Variants in CTSK observed in about 807,000 individuals in gnomAD.
The protein encoded by CTSK is cathepsin O.
Under a neutral mutation model 40.5 loss-of-function variants are expected in CTSK, and 26 were observed. The ratio of observed to expected loss-of-function variants is 0.64; its 90% confidence interval spans 0.47 to 0.89. CTSK has a LOEUF of 0.89. Ranked by LOEUF, CTSK falls within the 40% of genes least tolerant of loss-of-function variation. The pLI is 0.00. For synonymous variants in CTSK, 132 were observed against 143.2 expected (o/e 0.92, Z 0.56); for missense variants, 292 against 400.1 (o/e 0.73, Z 2.30).
Position 150,805,999 on chromosome 1 carries a change from AACC to A in CTSK, c.258_260del (p.Val87del). On this transcript the variant is annotated inframe_deletion, in exon 4 of 8. Coordinates refer to ENST00000271651, the MANE Select transcript of CTSK (RefSeq NM_000396.4). ...GTACTTTGAGTCCAGTCATCTTCTG[AACC>A]ACCTCTTCACTGGTCTAAGACAAAG... The A allele has an allele frequency of 6.2e-7, 1 of 1,614,186 alleles. No homozygotes were observed. The highest frequency in any genetic ancestry group is 8.5e-7 in the Non-Finnish European group (1 of 1,180,030).
At position 150,796,796 on chromosome 1, in the gene CTSK, G is replaced by A. The variant is rs200655276; in HGVS notation, c.*3C>T. 1.2e-5 allele frequency: 19 copies of A among 1,605,640 alleles called. No individual in the cohort carries two copies. The highest frequency in any genetic ancestry group is 1.6e-5 in the Non-Finnish European group (19 of 1,172,218). ...AGAGCAGGATGGATTTGGCTGGCTG[G>A]AGTCACATCTTGGGGAAGCTGGCCA... On this transcript the variant is annotated 3_prime_UTR_variant, in exon 8 of 8. Coordinates refer to ENST00000271651, the MANE Select transcript of CTSK (RefSeq NM_000396.4).
intron 7 of CTSK, 83 bp from the exon 8 acceptor site, chr1:150,796,981 T>G (rs1653887668): frequency 1.0e-6 from 1 of 962,990 alleles, no homozygotes; most frequent in Non-Finnish European, 1.7e-6. Flanking sequence ...TGCGAGGTAC[T>G]GATGGTACAC....
At chr1:150,806,850 GA>G (rs1382575281) in intron 1 of CTSK, 44 bp from the exon 2 acceptor site, 1 of 1,608,708 alleles carries the variant, frequency 6.2e-7, no homozygotes, top group East Asian at 2.2e-5. Flanking sequence ...ATTTGGCAGG[GA>G]AACAGAGGAA....
chr1:150,796,880 T>G lies in CTSK; in HGVS notation c.909A>C (p.Gly303=). Residue 303 remains glycine, a synonymous_variant, in exon 8 of 8, where the codon GGA becomes GGC. Transcript: ENST00000271651. ...IIKNSWGENW[G]NKGYILMARN... Reference sequence around the variant, plus strand: ...GAGCCATGAGGATATATCCTTTGTTTCCCCAGTTTTCTCCCCAGCTGTAAG... The same window carrying G: ...GAGCCATGAGGATATATCCTTTGTTGCCCCAGTTTTCTCCCCAGCTGTAAG... 1 of 1,613,876 alleles carries G rather than the reference T, an allele frequency of 6.2e-7. No homozygotes were observed. Among genetic ancestry groups the G allele is most frequent in the Non-Finnish European group, 8.5e-7 (1 of 1,179,760 alleles).
At chr1:150,797,101 A>C (rs1356696138) in intron 7 of CTSK, among the ~76,000 whole-genome samples, 1 of 152,180 alleles carries the variant, frequency 6.6e-6, no homozygotes. Context: ...TGATCAAGAG[A>C]ATCTTAGAGG....
intron 5 of CTSK, chr1:150,800,422 G>A (rs140226808): frequency 6.5e-6 from 1 of 153,570 alleles, no homozygotes; most frequent in East Asian, 1.9e-4. Context: ...CTATATCAGG[G>A]GAACTGGTGT....
chr1:150,805,638 CAAAAAAAAAAAAA>C (rs79027279), intron 4 of CTSK, among the ~76,000 whole-genome samples: 1 of 55,002 alleles, frequency 1.8e-5, no homozygotes, highest in African/African-American at 7.9e-5. Context: ...GACTCTATCT[CAAAAAAAAAAAAA>C]AAAAAAAAAA....
intron 1 of CTSK, chr1:150,807,157 G>C (rs1654122793): frequency 2.3e-6 from 1 of 442,222 alleles, no homozygotes; most frequent in Non-Finnish European, 4.5e-6. Flanking sequence ...ATAGAAACTG[G>C]ACAATCAGAA....
chr1:150,798,201 C>T (rs1420987241), intron 7 of CTSK, among the ~76,000 whole-genome samples: 1 of 152,122 alleles, frequency 6.6e-6, no homozygotes, highest in African/African-American at 2.4e-5. Context: ...TAAACACTAA[C>T]TTTTTTTGTT....
chr1:150,805,638 CAAAAAA>C (rs79027279), intron 4 of CTSK, among the ~76,000 whole-genome samples: 848 of 54,940 alleles, frequency 0.015, 2 homozygotes, highest in Admixed American at 0.022. Context: ...GACTCTATCT[CAAAAAA>C]AAAAAAAAAA....
intron 7 of CTSK, among the ~76,000 whole-genome samples, chr1:150,797,973 G>A (rs587672148): frequency 3.3e-5 from 5 of 152,314 alleles, no homozygotes; most frequent in African/African-American, 1.2e-4. Flanking sequence ...ACACCACTGC[G>A]TGAGTCTGTC....
At chr1:150,805,236 G>C (rs1654062975) in intron 4 of CTSK, among the ~76,000 whole-genome samples, 1 of 140,168 alleles carries the variant, frequency 7.1e-6, no homozygotes, top group African/African-American at 2.6e-5. Context: ...TTTGGGGGGG[G>C]GGAAAGGATT....
At chr1:150,802,080 C>T (rs1654001764) in intron 5 of CTSK, among the ~76,000 whole-genome samples, 1 of 147,828 alleles carries the variant, frequency 6.8e-6, no homozygotes, top group African/African-American at 2.5e-5. Context: ...GGGTTCAAGA[C>T]CAGCCTGGCC....
Position 150,799,185 on chromosome 1 carries a change from G to A in CTSK, c.873C>T (p.His291=), listed in dbSNP as rs1653933235. The change falls in exon 7 of 8, where the codon CAC becomes CAT. Residue 291 remains histidine (H), a synonymous_variant. Transcript: ENST00000271651. The part of the protein sequence containing the change: ...VGYGIQKGNK[H]WIIKNSWGEN... Reference sequence around the variant, plus strand: ...ATCATTACCTGTTTTTAATTATCCAGTGCTTGTTTCCCTTCTGGATTCCAT... The same window carrying A: ...ATCATTACCTGTTTTTAATTATCCAATGCTTGTTTCCCTTCTGGATTCCAT... 1 of 1,609,068 alleles carries A rather than the reference G, an allele frequency of 6.2e-7. No homozygotes were observed. The highest frequency in any genetic ancestry group is 8.5e-7 in the Non-Finnish European group (1 of 1,175,446).
chr1:150,804,394 T>C (rs587658806), intron 4 of CTSK, among the ~76,000 whole-genome samples, 155 bp from the exon 5 acceptor site: 1 of 152,368 alleles, frequency 6.6e-6, no homozygotes, highest in East Asian at 1.9e-4. Context: ...TCTGTTGCAC[T>C]GTTCTACTGC....
At chr1:150,803,919 G>A (rs1654038001) in intron 5 of CTSK, 102 bp downstream of exon 5, 1 of 1,035,136 alleles carries the variant, frequency 9.7e-7, no homozygotes, top group Non-Finnish European at 1.5e-6. Context: ...AAGCAGGATA[G>A]GATAACAGAA....
intron 2 of CTSK, among the ~76,000 whole-genome samples, chr1:150,806,425 T>C (rs1004095485): frequency 6.6e-6 from 1 of 151,876 alleles, no homozygotes; most frequent in Non-Finnish European, 1.5e-5. Context: ...GACAGAAAAA[T>C]TGCTTATAGA....
intron 2 of CTSK, 97 bp from the exon 3 acceptor site, chr1:150,806,321 A>T (rs1654092532): frequency 7.1e-7 from 1 of 1,416,198 alleles, no homozygotes; most frequent in African/African-American, 1.4e-5. Flanking sequence ...TCACAATCAT[A>T]AAAGTTTACA....
At chr1:150,798,361 T>C (rs1653914771) in intron 7 of CTSK, among the ~76,000 whole-genome samples, 1 of 152,212 alleles carries the variant, frequency 6.6e-6, no homozygotes, top group Admixed American at 6.5e-5. Flanking sequence ...AGATTGCTAA[T>C]GGAAACCATC....
Sources: gnomAD v4.1 joint callset for allele counts (sites outside exome capture counted in the v4.1 genomes callset) on GRCh38, gnomAD v4.1.1 for gene constraint, MANE v1.5 for transcripts, NCBI Gene and HGNC (gene_info 2026-07-23, HGNC 2026-07-21) for gene names.